Variants in ITCH observed in about 807,000 individuals in gnomAD.
The protein encoded by ITCH is E3 ubiquitin-protein ligase Itchy homolog.
In ITCH, 28 loss-of-function variants were observed where a neutral mutation model predicts 126.8. That is an observed-to-expected ratio of 0.22 (90% CI 0.16 to 0.30). The LOEUF is 0.30. Ranked by LOEUF, ITCH falls within the 10% of genes least tolerant of loss-of-function variation. The pLI, the probability that ITCH is intolerant of heterozygous loss-of-function variation, is 1.00. For synonymous variants in ITCH, 342 were observed against 340.0 expected (o/e 1.01, Z -0.06); for missense variants, 631 against 1,032.4 (o/e 0.61, Z 5.33).
intron 3 of ITCH, among the ~76,000 whole-genome samples, chr20:34,395,510 A>G (rs1415409689): frequency 1.3e-5 from 2 of 152,176 alleles, no homozygotes; most frequent in Non-Finnish European, 2.9e-5. Context: ...CTGAACCCCA[A>G]AAGTACATTC....
intron 3 of ITCH, among the ~76,000 whole-genome samples, chr20:34,405,844 A>C (rs894879870): frequency 2.0e-5 from 3 of 151,680 alleles, no homozygotes; most frequent in Non-Finnish European, 4.4e-5. Flanking sequence ...GGCTGGTCTT[A>C]AACTCCTGGG....
chr20:34,374,897 G>A (rs546983231), intron 2 of ITCH, among the ~76,000 whole-genome samples: 16 of 151,804 alleles, frequency 1.1e-4, no homozygotes, highest in African/African-American at 3.9e-4. Flanking sequence ...TCTCCACCAC[G>A]CCTGGCTAAT....
At chr20:34,381,655 T>C (rs753263004) in intron 2 of ITCH, among the ~76,000 whole-genome samples, 4 of 152,060 alleles carry the variant, frequency 2.6e-5, no homozygotes, top group African/African-American at 9.7e-5. Context: ...CTCAAACTCC[T>C]TGCCTCGTGA....
At chr20:34,424,055 G>T (rs1446348130) in intron 6 of ITCH, among the ~76,000 whole-genome samples, 1 of 152,092 alleles carries the variant, frequency 6.6e-6, no homozygotes, top group Admixed American at 6.6e-5. Context: ...TGTTTTCCAG[G>T]CCCCTGCAAT....
At chr20:34,480,575 C>T (rs764850452) in intron 18 of ITCH, 24 bp from the exon 19 acceptor site, 14 of 1,610,594 alleles carry the variant, frequency 8.7e-6, no homozygotes, top group East Asian at 2.2e-5. Context: ...TTATTTTAAG[C>T]GGTCTTGTTT....
At chr20:34,379,044 C>T (rs2037953768) in intron 2 of ITCH, among the ~76,000 whole-genome samples, 1 of 152,104 alleles carries the variant, frequency 6.6e-6, no homozygotes, top group Non-Finnish European at 1.5e-5. Flanking sequence ...AAACTATATT[C>T]TGTATATATT....
chr20:34,499,636 AC>A (rs1353667890), intron 23 of ITCH, among the ~76,000 whole-genome samples: 3 of 146,876 alleles, frequency 2.0e-5, no homozygotes, highest in African/African-American at 5.0e-5. Flanking sequence ...GAAAAAAAAA[AC>A]AACTTTTCAT....
intron 18 of ITCH, among the ~76,000 whole-genome samples, chr20:34,480,338 C>T (rs1175087396): frequency 6.6e-6 from 1 of 151,984 alleles, no homozygotes; most frequent in Non-Finnish European, 1.5e-5. Flanking sequence ...GCTGGGATTA[C>T]AAACAAGCAT....
At chr20:34,461,689 C>A (rs1037478394) in intron 13 of ITCH, among the ~76,000 whole-genome samples, 1 of 114,350 alleles carries the variant, frequency 8.7e-6, no homozygotes, top group South Asian at 3.0e-4. Flanking sequence ...CCAGCCTGGG[C>A]GACAGTGAGA....
intron 12 of ITCH, among the ~76,000 whole-genome samples, chr20:34,452,627 T>C (rs185806631): frequency 2.9e-4 from 44 of 152,308 alleles, no homozygotes; most frequent in Non-Finnish European, 6.2e-4. Flanking sequence ...TTTCAGACTT[T>C]TATATGCTGG....
chr20:34,435,084 T>A (rs1378193200), intron 7 of ITCH, among the ~76,000 whole-genome samples: 1 of 152,168 alleles, frequency 6.6e-6, no homozygotes, highest in African/African-American at 2.4e-5. Flanking sequence ...CCCATGGTTT[T>A]ACTACTAGGT....
intron 7 of ITCH, among the ~76,000 whole-genome samples, chr20:34,432,424 C>G (rs548979286): frequency 1.3e-5 from 2 of 152,034 alleles, no homozygotes; most frequent in South Asian, 4.2e-4. Context: ...CAAAATTATT[C>G]CCTTGTAATA....
intron 20 of ITCH, among the ~76,000 whole-genome samples, chr20:34,482,951 ACCCT>A: frequency 6.6e-6 from 1 of 152,130 alleles, no homozygotes; most frequent in African/African-American, 2.4e-5. Flanking sequence ...CCTTCTGTGC[ACCCT>A]CAGGCTCAAC....
In ITCH at chr20:34,502,172, T is replaced by C. The variant is rs1990290693; in HGVS notation, c.2417-2159T>C. ...TCTATTAAAAGCAATTCAGAATCCTTTCTGTTACATACTAATGTGCATTAT... is the reference window on the plus strand; with the variant it reads ...TCTATTAAAAGCAATTCAGAATCCTCTCTGTTACATACTAATGTGCATTAT... On this transcript the variant is annotated intron_variant, in intron 23 of 24. Transcript: ENST00000374864. Among the ~76,000 whole-genome samples the C allele has an allele frequency of 2.6e-5, 4 of 152,302 alleles. No homozygotes were observed. The South Asian group carries it at 6.2e-4, about 24-fold the overall frequency.
intron 23 of ITCH, among the ~76,000 whole-genome samples, chr20:34,497,391 T>A (rs887976138): frequency 1.3e-5 from 2 of 152,240 alleles, no homozygotes; most frequent in African/African-American, 4.8e-5. Flanking sequence ...TCTATGTGTC[T>A]GCTATTATGC....
intron 13 of ITCH, 73 bp from the exon 14 acceptor site, chr20:34,462,020 T>C (rs2146374751): frequency 6.9e-7 from 1 of 1,444,238 alleles, no homozygotes; most frequent in Non-Finnish European, 9.7e-7. Context: ...TTTATTGACA[T>C]TTGTAGCTTC....
In ITCH at chr20:34,501,158, A is replaced by T. The variant is rs532379489; in HGVS notation, c.2417-3173A>T. Among the ~76,000 whole-genome samples, 7 of 152,338 alleles carry T rather than the reference A, an allele frequency of 4.6e-5. No homozygotes were observed. The East Asian group carries it at 1.3e-3, about 29-fold the overall frequency. On this transcript the variant is annotated intron_variant, in intron 23 of 24. Coordinates refer to ENST00000374864, the MANE Select transcript of ITCH (RefSeq NM_031483.7). The stretch of plus-strand genomic sequence containing the variant: ...GAAGAGAAAGTTTTAGAGGTGGTGT[A>T]TGTAATTCTTTAATGGGATGCTTCT...
chr20:34,364,457 G>C (rs1250378760), intron 1 of ITCH, among the ~76,000 whole-genome samples: 1 of 152,116 alleles, frequency 6.6e-6, no homozygotes, highest in African/African-American at 2.4e-5. Flanking sequence ...TGTAAAGGCA[G>C]TGTATTTCCA....
intron 17 of ITCH, among the ~76,000 whole-genome samples, chr20:34,478,497 G>T (rs1036755179): frequency 6.6e-6 from 1 of 152,142 alleles, no homozygotes; most frequent in Non-Finnish European, 1.5e-5. Flanking sequence ...AAAAATTTGC[G>T]TAGAGCTGGC....
Sources: allele counts gnomAD v4.1 joint callset (sites outside exome capture counted in the v4.1 genomes callset), GRCh38; gene constraint gnomAD v4.1.1; transcripts MANE v1.5; gene names NCBI Gene and HGNC (gene_info 2026-07-23, HGNC 2026-07-21).